Variants in LRRD1 observed in about 807,000 individuals in gnomAD.
The protein encoded by LRRD1 is leucine-rich repeat and death domain-containing protein 1.
In LRRD1, 49 loss-of-function variants were observed where a neutral mutation model predicts 69.5. The observed-to-expected ratio is 0.70, with a 90% confidence interval of 0.56 to 0.89. The LOEUF is 0.89. Among genes scored for constraint, LRRD1 ranks in the 40% least tolerant of loss-of-function variants. LRRD1 has a pLI of 0.00. For missense variants in LRRD1, 853 were observed against 956.0 expected (o/e 0.89, Z 1.42); for synonymous variants, 303 against 338.9 (o/e 0.89, Z 1.16).
intron 1 of LRRD1, among the ~76,000 whole-genome samples, chr7:92,178,542 C>T (rs377311960): frequency 6.6e-5 from 10 of 151,956 alleles, no homozygotes; most frequent in African/African-American, 2.4e-4. Flanking sequence ...TGGCGGCGCG[C>T]GCCTGTAATC....
chr7:92,142,350 G>A, downstream of LRRD1: 1 of 422,220 alleles, frequency 2.4e-6, no homozygotes, highest in South Asian at 1.7e-5. Context: ...GAAGTATGGG[G>A]ATTGAGGATC....
chr7:92,146,473 C>G (rs1820325863), intron 4 of LRRD1, among the ~76,000 whole-genome samples: 1 of 151,580 alleles, frequency 6.6e-6, no homozygotes, highest in African/African-American at 2.4e-5. Context: ...AAAAATTAGC[C>G]AGGCATGGTT....
Position 92,164,124 on chromosome 7 carries a change from T to A in LRRD1, c.1079A>T (p.Lys360Ile). The change falls in exon 2 of 6, where the codon AAA (lysine) becomes ATA (isoleucine). Residue 360 changes from lysine (K) to isoleucine (I), a missense_variant. Lys to Ile is a moderately radical substitution (Grantham distance 102). Transcript: ENST00000458448. ...KIKELQLADN[K>I]LEVISHKIEN... ...AATTTTGTGTGAAATAACTTCCAAT[T>A]TATTGTCGGCCAGTTGGAGTTCTTT... The A allele has an allele frequency of 1.9e-6, 3 of 1,550,022 alleles. No individual in the cohort carries two copies. In the South Asian group the frequency reaches 3.6e-5, roughly 18 times the overall value.
At chr7:92,145,120 GT>G in intron 5 of LRRD1, 46 bp from the exon 6 acceptor site, 1 of 942,636 alleles carries the variant, frequency 1.1e-6, no homozygotes, top group Non-Finnish European at 1.4e-6. Flanking sequence ...ATTTATTAAC[GT>G]TTAATATATT....
intron 4 of LRRD1, among the ~76,000 whole-genome samples, chr7:92,147,305 T>A (rs574079994): frequency 3.0e-4 from 46 of 152,210 alleles, no homozygotes; most frequent in African/African-American, 1.1e-3. Context: ...TGACCTCAGG[T>A]GATCCGCCCT....
downstream of LRRD1, chr7:92,141,856 T>C (rs1820155555): frequency 6.6e-6 from 1 of 152,336 alleles, no homozygotes; most frequent in Admixed American, 6.5e-5. Context: ...ATATACACTT[T>C]AAATTTTAAC....
At chr7:92,143,742 C>T (rs904755143), downstream of LRRD1, among the ~76,000 whole-genome samples, 6 of 152,226 alleles carry the variant, frequency 3.9e-5, no homozygotes, top group Admixed American at 6.5e-5. Context: ...GAGCCGGTTC[C>T]GGCCTTGGCC....
At chr7:92,143,022 C>A (rs1477704732), downstream of LRRD1, 6 of 227,988 alleles carry the variant, frequency 2.6e-5, no homozygotes, top group African/African-American at 1.4e-4. Context: ...CTGATTGGTC[C>A]ATTTTACAGA....
rs967699849 is a variant in LRRD1 at position 92,163,431 on chromosome 7, A to C, written c.1772T>G (p.Leu591Ter). ...ACAGATGTCTGAAGAGATTTTCTGT[A>C]ATTGGTTTTCCGAAAGATCAAGTAC... The part of the protein sequence containing the change: ...LQVLDLSENQ[L>*]QKISSDICNL... The change falls in exon 2 of 6, where the codon TTA (leucine) becomes TGA (stop). Residue 591 changes from leucine (L) to a stop codon, truncating the protein, a stop_gained. Coordinates refer to ENST00000458448, the MANE Select transcript of LRRD1 (RefSeq NM_001161528.2). LOFTEE classifies it high-confidence loss of function. 7.1e-6 allele frequency: 11 copies of C among 1,546,284 alleles called. No individual in the cohort carries two copies. The highest frequency in any genetic ancestry group is 2.8e-5 in the African/African-American group (2 of 72,628).
chr7:92,155,224 G>A (rs1300116341), intron 3 of LRRD1, among the ~76,000 whole-genome samples: 1 of 152,018 alleles, frequency 6.6e-6, no homozygotes, highest in Middle Eastern at 3.2e-3. Flanking sequence ...GTAAAATAAG[G>A]GTTACATGAA....
Position 92,164,356 on chromosome 7 carries a change from T to C in LRRD1, c.847A>G (p.Arg283Gly). Residue 283 changes from arginine to glycine, a missense_variant, in exon 2 of 6, where the codon AGG (arginine) becomes GGG (glycine). Transcript: ENST00000458448. ...PDTLPSLKTL[R>G]VLNLEYNQLT... ...TGATTATATTCCAAATTGAGAACCC[T>C]CAAGGTTTTTAAACTAGGCAGAGTA... 6.5e-7 allele frequency: 1 copy of C among 1,549,706 alleles called. No homozygotes were observed. Among genetic ancestry groups the C allele is most frequent in the Non-Finnish European group, 8.7e-7 (1 of 1,146,354 alleles).
chr7:92,152,877 T>G (rs1054463962), intron 3 of LRRD1, among the ~76,000 whole-genome samples: 7 of 151,966 alleles, frequency 4.6e-5, no homozygotes. Context: ...ACCATATTGG[T>G]CAGGCTGGTC....
chr7:92,170,321 T>C (rs1454269105), intron 1 of LRRD1, among the ~76,000 whole-genome samples: 3 of 152,078 alleles, frequency 2.0e-5, no homozygotes, highest in Non-Finnish European at 1.5e-5. Flanking sequence ...GAGGTAGAAA[T>C]CTTATTGAAA....
In LRRD1 at chr7:92,164,175, A is replaced by C. The variant is rs1398813946; in HGVS notation, c.1028T>G (p.Val343Gly). Residue 343 changes from valine (V) to glycine (G), a missense_variant, in exon 2 of 6, where the codon GTA becomes GGA. This residue lies in a region of LRRD1 where 739 missense variants were observed against 808.0 expected (regional missense o/e 0.91). Transcript: ENST00000458448. Reference protein sequence around the residue: ...MDHNKLTFLAVEIFQLLKIKE... With the variant: ...MDHNKLTFLAGEIFQLLKIKE... The stretch of plus-strand genomic sequence containing the variant: ...TATTTTGAGTAACTGAAAAATTTCT[A>C]CAGCCAGAAAGGTAAGCTTATTGTG... 34 of 1,547,718 alleles carry C rather than the reference A, an allele frequency of 2.2e-5. No individual in the cohort carries two copies. The highest frequency in any genetic ancestry group is 2.8e-5 in the Non-Finnish European group (32 of 1,146,034).
intron 4 of LRRD1, among the ~76,000 whole-genome samples, chr7:92,146,667 T>C (rs1435187770): frequency 1.3e-5 from 2 of 149,694 alleles, no homozygotes; most frequent in African/African-American, 4.9e-5. Flanking sequence ...ATGCCTGTAA[T>C]CCCAGCACTT....
downstream of LRRD1, among the ~76,000 whole-genome samples, chr7:92,143,950 T>G (rs1820244670): frequency 6.6e-6 from 1 of 152,208 alleles, no homozygotes; most frequent in Admixed American, 6.5e-5. Flanking sequence ...ATATTGATGT[T>G]AGTGCTGGAG....
rs1434753220 is a variant in LRRD1 at position 92,174,468 on chromosome 7, A to C, written c.-75+4539T>G. 3.5e-5 allele frequency among the ~76,000 whole-genome samples: 3 copies of C among 86,904 alleles called. No homozygotes were observed. The Admixed American group carries it at 4.1e-4, about 12-fold the overall frequency. The allele number at this position is 86,904 out of a possible 152,430, so 57.0% of individuals were successfully genotyped here. A position where few individuals can be genotyped will look rare whatever the true frequency, so the allele number is the denominator to read the frequency against. ...TATCTACATATATTATGTATCAATT[A>C]GAATATATATATATATATATATATA... On this transcript the variant is annotated intron_variant, in intron 1 of 5. Coordinates refer to ENST00000458448, the MANE Select transcript of LRRD1 (RefSeq NM_001161528.2).
Position 92,158,997 on chromosome 7 carries a change from ACACT to A in LRRD1, c.2116+4_2116+7del, listed in dbSNP as rs767034231. Reference sequence around the variant, plus strand: ...TGATTATGCTTACTGATTATGCTTGACACTCACCACTCAGGTTTAGTTGCTGCAG... The same window carrying A: ...TGATTATGCTTACTGATTATGCTTGACACCACTCAGGTTTAGTTGCTGCAG... On this transcript the variant is annotated splice_donor_5th_base_variant and intron_variant, in intron 3 of 5. Coordinates refer to ENST00000458448, the MANE Select transcript of LRRD1 (RefSeq NM_001161528.2). The A allele has an allele frequency of 6.5e-7, 1 of 1,533,110 alleles. No individual in the cohort carries two copies. Among genetic ancestry groups the A allele is most frequent in the Non-Finnish European group, 8.8e-7 (1 of 1,141,072 alleles). The allele number at this position is 1,533,110 out of a possible 1,614,324, so 95.0% of individuals were successfully genotyped here.
intron 1 of LRRD1, among the ~76,000 whole-genome samples, chr7:92,169,166 G>C (rs1381050031): frequency 6.6e-6 from 1 of 152,014 alleles, no homozygotes; most frequent in Non-Finnish European, 1.5e-5. Flanking sequence ...TGATCTGCCC[G>C]TCTCGGCCTC....
Sources: gnomAD v4.1 joint callset for allele counts (sites outside exome capture counted in the v4.1 genomes callset) on GRCh38, gnomAD v4.1.1 for gene constraint, gnomAD v4.1.1 regional missense constraint, MANE v1.5 for transcripts, NCBI Gene and HGNC (gene_info 2026-07-23, HGNC 2026-07-21) for gene names.